The following ZFHX3 variants were observed in gnomAD, a reference collection of about 807,000 sequenced individuals.
ZFHX3 encodes zinc finger homeobox 3.
ZFHX3 carries 42 observed loss-of-function variants against 279.1 expected under a neutral mutation model. The observed-to-expected ratio is 0.15, with a 90% confidence interval of 0.12 to 0.19. The LOEUF is 0.19. ZFHX3 is among the 10% of genes least tolerant of loss of function. The probability of loss-of-function intolerance (pLI) is 1.00; values close to 1 mark genes in which losing one functional copy is unlikely to be tolerated. For synonymous variants in ZFHX3, 2,293 were observed against 1,957.8 expected, an observed-to-expected ratio of 1.17 and a Z score of -4.52; for missense variants, 4,981 against 4,754.0, an observed-to-expected ratio of 1.05 and a Z score of -1.40.
chr16:73,067,053 C>T (rs1965764350), intron 8 of ZFHX3, among the ~76,000 whole-genome samples: 1 of 152,092 alleles, frequency 6.6e-6, no homozygotes, highest in Admixed American at 6.5e-5. Flanking sequence ...CCCCCGGGGC[C>T]CTGCTCGCCT....
chr16:73,885,890 C>T (rs759276230), intron 1 of ZFHX3, among the ~76,000 whole-genome samples: 36 of 152,116 alleles, frequency 2.4e-4, no homozygotes, highest in Non-Finnish European at 5.1e-4. Context: ...CAGTAAGTAC[C>T]CCCCTGACTG....
At chr16:73,497,238 T>C (rs959555296) in intron 2 of ZFHX3, among the ~76,000 whole-genome samples, 2 of 152,178 alleles carry the variant, frequency 1.3e-5, no homozygotes, top group Non-Finnish European at 2.9e-5. Flanking sequence ...AGGAGCAAAA[T>C]ACAAATCTGC....
At chr16:73,498,593 T>C (rs1432024149) in intron 2 of ZFHX3, among the ~76,000 whole-genome samples, 3 of 152,212 alleles carry the variant, frequency 2.0e-5, no homozygotes, top group African/African-American at 7.2e-5. Flanking sequence ...TTTATGGAAT[T>C]TGGCAATCAT....
chr16:73,189,594 G>A (rs1348390863), intron 5 of ZFHX3, among the ~76,000 whole-genome samples: 2 of 152,192 alleles, frequency 1.3e-5, no homozygotes, highest in African/African-American at 2.4e-5. Flanking sequence ...AGTGAGTGGA[G>A]AGGATTTTGC....
chr16:73,031,506 T>C (rs1039361726), intron 1 of ZFHX3, among the ~76,000 whole-genome samples: 2 of 152,216 alleles, frequency 1.3e-5, no homozygotes, highest in Non-Finnish European at 2.9e-5. Context: ...TGATGATCCA[T>C]TTTGGTCCCT....
At chr16:73,079,226 A>T (rs1439357505) in intron 8 of ZFHX3, among the ~76,000 whole-genome samples, 1 of 151,456 alleles carries the variant, frequency 6.6e-6, no homozygotes, top group Non-Finnish European at 1.5e-5. Flanking sequence ...TCTTTCTCTT[A>T]TTAAATTTAT....
Position 72,797,396 on chromosome 16 carries a change from T to A in ZFHX3, c.5286A>T (p.Gln1762His), listed in dbSNP as rs113529778. Residue 1762 changes from glutamine (Q) to histidine (H), a missense_variant, in exon 9 of 10, where the codon CAA becomes CAT. Around this residue, in one of 7 missense-constraint regions of ZFHX3, gnomAD observed 1,751 missense variants for 1,770.0 expected, o/e 0.99. Transcript: ENST00000268489. ...VQAHLQQELQQQAALIQSQLF... is the reference protein window; with the variant it reads ...VQAHLQQELQHQAALIQSQLF... ...GCTGAGACTGGATCAGGGCAGCCTG[T>A]TGCTGCAGCTCCTGCTGCAGGTGAG... The A allele has an allele frequency of 4.9e-5, 79 of 1,609,136 alleles. No individual in the cohort carries two copies. The Middle Eastern group carries it at 2.0e-3, about 41-fold the overall frequency.
At chr16:72,977,404 T>G (rs2144528909) in intron 1 of ZFHX3, among the ~76,000 whole-genome samples, 1 of 152,212 alleles carries the variant, frequency 6.6e-6, no homozygotes, top group South Asian at 2.1e-4. Flanking sequence ...ATTTATAGGG[T>G]CGCATGCTCA....
intron 5 of ZFHX3, 101 bp from the exon 6 acceptor site, chr16:72,812,139 T>G: frequency 6.8e-7 from 1 of 1,475,172 alleles, no homozygotes; most frequent in Non-Finnish European, 9.0e-7. Context: ...AGCACAGGAT[T>G]TTCTTAAAAC....
intron 3 of ZFHX3, among the ~76,000 whole-genome samples, chr16:73,338,596 A>C (rs1040166675): frequency 6.6e-6 from 1 of 152,120 alleles, no homozygotes; most frequent in African/African-American, 2.4e-5. Flanking sequence ...GAATCATGCA[A>C]ACTTGCCAAT....
chr16:73,197,670 A>G (rs187968032), intron 5 of ZFHX3, among the ~76,000 whole-genome samples: 1 of 152,300 alleles, frequency 6.6e-6, no homozygotes, highest in East Asian at 1.9e-4. Context: ...TTCTAATGTT[A>G]CATACTATAG....
chr16:73,122,116 A>C (rs1267257139), intron 7 of ZFHX3, among the ~76,000 whole-genome samples: 1 of 152,194 alleles, frequency 6.6e-6, no homozygotes, highest in African/African-American at 2.4e-5. Flanking sequence ...AGGGCCTGGC[A>C]CATGGTAGGT....
chr16:73,646,346 G>C (rs4888561), intron 2 of ZFHX3, among the ~76,000 whole-genome samples: 24,128 of 151,906 alleles, frequency 0.16, 2,147 homozygotes, highest in South Asian at 0.19. Flanking sequence ...CATAATCTAA[G>C]ATATATGACC....
intron 2 of ZFHX3, chr16:73,543,917 GGA>G (rs1345949590): frequency 7.9e-6 from 1 of 125,924 alleles, no homozygotes; most frequent in Non-Finnish European, 1.6e-5. Flanking sequence ...AGAGACAGAG[GGA>G]GAGAGGCAGA....
intron 3 of ZFHX3, among the ~76,000 whole-genome samples, chr16:72,943,531 C>T (rs533008494): frequency 6.5e-4 from 98 of 151,852 alleles, no homozygotes; most frequent in Non-Finnish European, 2.5e-4. Context: ...GACCCAGTCT[C>T]AAAAAAACAG....
intron 2 of ZFHX3, among the ~76,000 whole-genome samples, chr16:73,662,146 G>C (rs542990717): frequency 2.6e-5 from 4 of 152,008 alleles, no homozygotes; most frequent in Admixed American, 6.6e-5. Context: ...AGAGAGTTAT[G>C]TTAAAACCCT....
chr16:73,515,463 A>C (rs1249013175), intron 2 of ZFHX3, among the ~76,000 whole-genome samples: 2 of 135,308 alleles, frequency 1.5e-5, no homozygotes, highest in Non-Finnish European at 3.0e-5. Context: ...AGAGAGAGAT[A>C]GATAAGAGAG....
chr16:73,310,119 C>T (rs2015291278), intron 4 of ZFHX3, among the ~76,000 whole-genome samples: 1 of 151,918 alleles, frequency 6.6e-6, no homozygotes, highest in Non-Finnish European at 1.5e-5. Flanking sequence ...ATATTGGCCA[C>T]ACTGGTCTCG....
At chr16:73,574,417 T>C (rs1048336812) in intron 2 of ZFHX3, among the ~76,000 whole-genome samples, 1 of 152,162 alleles carries the variant, frequency 6.6e-6, no homozygotes, top group African/African-American at 2.4e-5. Flanking sequence ...TATACCTTAG[T>C]TTGGAAGCCT....
Sources: allele counts gnomAD v4.1 joint callset (sites outside exome capture counted in the v4.1 genomes callset), GRCh38; gene constraint gnomAD v4.1.1; regional missense constraint gnomAD v4.1.1; transcripts MANE v1.5; gene names NCBI Gene and HGNC (gene_info 2026-07-23, HGNC 2026-07-21).